Variants in DIAPH3 observed in about 807,000 individuals in gnomAD.
DIAPH3 encodes protein diaphanous homolog 3.
A neutral mutation model predicts 144.3 loss-of-function variants in DIAPH3; 117 were observed. The observed-to-expected ratio is 0.81, with a 90% CI of 0.70 to 0.95. The LOEUF is 0.95. Among genes scored for constraint, DIAPH3 ranks in the 40% least tolerant of loss-of-function variants. The pLI is 0.00. For synonymous variants in DIAPH3, 519 were observed against 488.9 expected (o/e 1.06, Z -0.81); for missense variants, 1,421 against 1,412.7 (o/e 1.01, Z -0.09).
intron 27 of DIAPH3, among the ~76,000 whole-genome samples, chr13:59,709,778 A>G (rs2034632579): frequency 6.6e-6 from 1 of 152,208 alleles, no homozygotes; most frequent in Admixed American, 6.5e-5. Flanking sequence ...TCATGCTGCT[A>G]TAAAGACACA....
At chr13:60,034,296 A>G (rs1049850216) in intron 5 of DIAPH3, among the ~76,000 whole-genome samples, 2 of 152,252 alleles carry the variant, frequency 1.3e-5, no homozygotes, top group Non-Finnish European at 2.9e-5. Flanking sequence ...AAAAAGAAAG[A>G]AAGTTTATTA....
chr13:59,837,619 T>C (rs954095163), intron 23 of DIAPH3: 4 of 152,734 alleles, frequency 2.6e-5, no homozygotes, highest in Non-Finnish European at 4.4e-5. Flanking sequence ...AACTGTCACA[T>C]ATGAATATTT....
intron 4 of DIAPH3, among the ~76,000 whole-genome samples, chr13:60,065,420 T>A (rs1353526032): frequency 6.6e-6 from 1 of 152,146 alleles, no homozygotes; most frequent in East Asian, 1.9e-4. Flanking sequence ...TTACTGATTG[T>A]TTGACTCCCC....
chr13:60,014,860 A>G (rs2053526326), intron 7 of DIAPH3, among the ~76,000 whole-genome samples: 1 of 152,226 alleles, frequency 6.6e-6, no homozygotes, highest in African/African-American at 2.4e-5. Flanking sequence ...AGCATAGGAT[A>G]ATGCTAATTT....
intron 27 of DIAPH3, among the ~76,000 whole-genome samples, chr13:59,719,138 A>C (rs191723976): frequency 1.5e-3 from 233 of 152,332 alleles, no homozygotes; most frequent in African/African-American, 5.4e-3. Flanking sequence ...TTCTTCTGAC[A>C]TACCATATAA....
intron 27 of DIAPH3, among the ~76,000 whole-genome samples, chr13:59,706,204 A>T (rs2034414736): frequency 6.6e-6 from 1 of 152,206 alleles, no homozygotes; most frequent in Non-Finnish European, 1.5e-5. Flanking sequence ...AAGGAATAAT[A>T]ACAAGAAAAA....
intron 14 of DIAPH3, among the ~76,000 whole-genome samples, chr13:59,977,945 A>G (rs2140654936): frequency 6.6e-6 from 1 of 151,880 alleles, no homozygotes; most frequent in Middle Eastern, 3.4e-3. Context: ...CTTCTTGGCT[A>G]TCTCGCGTTG....
rs558931403 is a variant in DIAPH3, at chr13:59,830,992, G to C, written c.3027+2115C>G. On this transcript the variant is annotated intron_variant, in intron 24 of 27. Transcript: ENST00000400324. ...CATGACATAATGTTTAAGAGTTAGG[G>C]CCCTTAAAGAAGGCTTTAGAGAAGA... Among the ~76,000 whole-genome samples, 484 of 151,832 alleles carry C rather than the reference G, an allele frequency of 3.2e-3. 3 individuals are homozygous for C. Among genetic ancestry groups the C allele is most frequent in the African/African-American group, 0.01 (427 of 41,476 alleles).
At chr13:59,861,207 C>G (rs575298929) in intron 22 of DIAPH3, 200 bp downstream of exon 22, 66 of 1,470,600 alleles carry the variant, frequency 4.5e-5, no homozygotes, top group Non-Finnish European at 5.6e-5. Context: ...AAGGCCTCAT[C>G]ATCTAACTAA....
chr13:60,070,153 T>C (rs746368691), intron 4 of DIAPH3, among the ~76,000 whole-genome samples: 2 of 152,166 alleles, frequency 1.3e-5, no homozygotes, highest in Non-Finnish European at 2.9e-5. Flanking sequence ...CTCTAATTTA[T>C]CTCAGCAATG....
At chr13:59,983,962 A>G (rs776584327) in intron 12 of DIAPH3, 75 bp from the exon 13 acceptor site, 27 of 938,030 alleles carry the variant, frequency 2.9e-5, no homozygotes, top group Non-Finnish European at 3.9e-5. Flanking sequence ...CTTTTTGGCT[A>G]AGATTGATTT....
chr13:59,798,685 C>T (rs1344043665), intron 25 of DIAPH3, among the ~76,000 whole-genome samples: 2 of 152,330 alleles, frequency 1.3e-5, no homozygotes, highest in African/African-American at 4.8e-5. Flanking sequence ...ATTCTTAGTA[C>T]AGGAACCACC....
chr13:60,052,763 C>G (rs1461495103), intron 4 of DIAPH3, among the ~76,000 whole-genome samples: 1 of 151,576 alleles, frequency 6.6e-6, no homozygotes, highest in Admixed American at 6.6e-5. Flanking sequence ...GAGTTCAAGA[C>G]CAGCCTGGCC....
intron 27 of DIAPH3, among the ~76,000 whole-genome samples, chr13:59,685,716 T>C (rs191733182): frequency 2.0e-5 from 3 of 152,160 alleles, no homozygotes; most frequent in Admixed American, 6.6e-5. Flanking sequence ...AGATGATAAA[T>C]AGAGATGGAA....
chr13:60,145,684 G>A (rs1173285670), intron 1 of DIAPH3, among the ~76,000 whole-genome samples: 2 of 152,100 alleles, frequency 1.3e-5, no homozygotes, highest in Non-Finnish European at 2.9e-5. Context: ...GGGCATGGAG[G>A]GGGGTTGCAA....
chr13:60,148,632 A>T (rs1381389019), intron 1 of DIAPH3, among the ~76,000 whole-genome samples: 1 of 152,250 alleles, frequency 6.6e-6, no homozygotes, highest in Non-Finnish European at 1.5e-5. Flanking sequence ...GGAAAGGAAT[A>T]ACCAAAGATC....
chr13:59,982,730 A>G (rs1401709359), intron 13 of DIAPH3, among the ~76,000 whole-genome samples: 1 of 151,650 alleles, frequency 6.6e-6, no homozygotes, highest in Non-Finnish European at 1.5e-5. Context: ...TTACCCTAAA[A>G]TCTCTTGATA....
intron 13 of DIAPH3, among the ~76,000 whole-genome samples, chr13:59,982,892 T>G (rs995183727): frequency 6.6e-6 from 1 of 151,544 alleles, no homozygotes; most frequent in Non-Finnish European, 1.5e-5. Flanking sequence ...GATAGGTTAA[T>G]AACACCAGTG....
intron 19 of DIAPH3, among the ~76,000 whole-genome samples, chr13:59,914,334 CT>C (rs1163755279): frequency 2.6e-5 from 4 of 152,038 alleles, no homozygotes. Context: ...GAAATTCTTA[CT>C]TTTTAATGAA....
Sources: gnomAD v4.1 joint callset for allele counts (sites outside exome capture counted in the v4.1 genomes callset) on GRCh38, gnomAD v4.1.1 for gene constraint, MANE v1.5 for transcripts, NCBI Gene and HGNC (gene_info 2026-07-23, HGNC 2026-07-21) for gene names.